MYO9B: variants seen among roughly 807,000 people sequenced by gnomAD.
MYO9B encodes unconventional myosin-IXb.
MYO9B carries 71 observed loss-of-function variants against 229.5 expected under a neutral mutation model. The observed-to-expected ratio is 0.31, with a 90% CI of 0.26 to 0.38. The LOEUF is 0.38. Among genes scored for constraint, MYO9B ranks in the 10% least tolerant of loss-of-function variants. MYO9B has a pLI of 1.00. For synonymous variants in MYO9B, 1,185 were observed against 1,235.8 expected (o/e 0.96, Z 0.86); for missense variants, 2,255 against 2,920.5 (o/e 0.77, Z 5.25).
intron 23 of MYO9B, 160 bp downstream of exon 23, chr19:17,198,018 G>T: frequency 7.6e-7 from 1 of 1,320,490 alleles, no homozygotes; most frequent in Non-Finnish European, 1.0e-6. Flanking sequence ...CGCGAGACCA[G>T]GCCACTGCAC....
At chr19:17,192,599 AAAT>A (rs1195567600) in intron 20 of MYO9B, 144 bp from the exon 21 acceptor site, 5 of 512,212 alleles carry the variant, frequency 9.8e-6, no homozygotes, top group Non-Finnish European at 1.4e-5. Flanking sequence ...CATCTCAAAA[AAAT>A]AATAAATAAA....
intron 2 of MYO9B, among the ~76,000 whole-genome samples, chr19:17,117,810 C>T (rs544378049): frequency 4.0e-5 from 6 of 151,714 alleles, no homozygotes; most frequent in East Asian, 1.9e-4. Flanking sequence ...TGGTGGCAGG[C>T]GCCTGTAATC....
intron 1 of MYO9B, among the ~76,000 whole-genome samples, chr19:17,077,292 T>G (rs1184566793): frequency 1.3e-5 from 2 of 152,160 alleles, no homozygotes; most frequent in African/African-American, 4.8e-5. Flanking sequence ...ATGTTTAGTT[T>G]ATAGCTCATT....
At chr19:17,185,703 A>G (rs1161301222) in intron 17 of MYO9B, among the ~76,000 whole-genome samples, 2 of 151,922 alleles carry the variant, frequency 1.3e-5, no homozygotes, top group South Asian at 2.1e-4. Context: ...CCCTGGGACC[A>G]TGGGGACCAC....
rs999113336 is a variant in MYO9B, at chr19:17,209,782, G to A, written c.5748+73G>A. ...CCTGGTGCTGGGCAGGGCCTTGGGC[G>A]TGGCTTTGTTGCTGGGAAGGCTGGT... is the stretch of plus-strand genomic sequence containing the variant. On this transcript the variant is annotated intron_variant, in intron 36 of 39. Transcript: ENST00000682292. The A allele has an allele frequency of 3.9e-6, 6 of 1,555,224 alleles. No individual in the cohort carries two copies. In the East Asian group the frequency reaches 9.1e-5, roughly 24 times the overall value.
At position 17,159,442 on chromosome 19, in the gene MYO9B, G is replaced by T; in HGVS notation, c.1377G>T (p.Val459=). 1 of 1,610,610 alleles carries T rather than the reference G, an allele frequency of 6.2e-7. No homozygotes were observed. Among genetic ancestry groups the T allele is most frequent in the South Asian group, 1.1e-5 (1 of 90,140 alleles). The change falls in exon 8 of 40, where the codon GTG becomes GTT. Residue 459 remains valine (V), a synonymous_variant. Coordinates refer to ENST00000682292, the MANE Select transcript of MYO9B (RefSeq NM_004145.4). The stretch of plus-strand genomic sequence containing the variant: ...AGGTTCTGACCAAAAGAAAAACGGT[G>T]ACCGTCAACGACAAGCTTATCCTTC... ...LVEVLTKRKT[V]TVNDKLILPY...
Position 17,167,946 on chromosome 19 carries a change from G to A in MYO9B, c.1675G>A (p.Glu559Lys). 1 of 1,568,168 alleles carries A rather than the reference G, an allele frequency of 6.4e-7. No homozygotes were observed. Among genetic ancestry groups the A allele is most frequent in the Non-Finnish European group, 8.6e-7 (1 of 1,156,258 alleles). The change falls in exon 11 of 40, where the codon GAA (glutamate) becomes AAA (lysine). Residue 559 changes from glutamate (E) to lysine (K), a missense_variant. Glu to Lys is a moderately conservative substitution (Grantham distance 56, BLOSUM62 1). Around this residue, in one of 7 missense-constraint regions of MYO9B, gnomAD observed 220 missense variants for 404.5 expected, o/e 0.54. Transcript: ENST00000682292. The part of the protein sequence containing the change: ...NQHIFKLEQE[E>K]YQGEGITWHN... ...CGACCCCGCGCCACCCCTGCAGGAGGAATATCAGGGCGAGGGGATCACGTG... is the reference window on the plus strand; with the variant it reads ...CGACCCCGCGCCACCCCTGCAGGAGAAATATCAGGGCGAGGGGATCACGTG...
intron 2 of MYO9B, among the ~76,000 whole-genome samples, chr19:17,110,005 C>G (rs2057831877): frequency 6.6e-6 from 1 of 152,234 alleles, no homozygotes; most frequent in South Asian, 2.1e-4. Flanking sequence ...TGAACCCGGC[C>G]TGAGCCCCAG....
intron 30 of MYO9B, among the ~76,000 whole-genome samples, chr19:17,204,680 C>CAA (rs561193898): frequency 2.7e-5 from 4 of 150,262 alleles, no homozygotes; most frequent in Admixed American, 1.3e-4. Flanking sequence ...CCCATCTATA[C>CAA]AAAAAAAAAT....
chr19:17,195,051 G>C lies in MYO9B; in HGVS notation c.3624G>C (p.Thr1208=), dbSNP rs532430108. ...REDETLLVVE[T]EAENTSQKQP... is the part of the protein sequence containing the mutation. ...ATGAAACCCTTCTAGTCGTAGAGAC[G>C]GAGGCTGAGAACACATCTCAAAAGC... The change falls in exon 22 of 40, where the codon ACG becomes ACC. Residue 1208 remains threonine (T), a synonymous_variant. Coordinates refer to ENST00000682292, the MANE Select transcript of MYO9B (RefSeq NM_004145.4). This position sits in a 1 kb window ranked among gnomAD's most constrained non-coding sequence, Gnocchi z 4.5. The C allele has an allele frequency of 1.2e-6, 2 of 1,613,018 alleles. No homozygotes were observed. Among genetic ancestry groups the C allele is most frequent in the South Asian group, 2.2e-5 (2 of 91,076 alleles).
At chr19:17,205,362 C>A (rs760176372) in intron 31 of MYO9B, 26 bp downstream of exon 31, 9 of 1,603,462 alleles carry the variant, frequency 5.6e-6, no homozygotes, top group Non-Finnish European at 7.7e-6. Flanking sequence ...CTGGAACTTT[C>A]TACAATGACA....
chr19:17,166,470 C>T (rs1037789349), intron 10 of MYO9B, among the ~76,000 whole-genome samples: 2 of 151,878 alleles, frequency 1.3e-5, no homozygotes, highest in East Asian at 1.9e-4. Flanking sequence ...TTGATTTACT[C>T]ATATGCATTT....
intron 2 of MYO9B, among the ~76,000 whole-genome samples, chr19:17,131,623 C>T (rs2072197206): frequency 6.6e-6 from 1 of 151,986 alleles, no homozygotes; most frequent in Admixed American, 6.6e-5. Context: ...TTTAAATTGC[C>T]CAGAAGAAAA....
intron 1 of MYO9B, among the ~76,000 whole-genome samples, chr19:17,097,332 A>C (rs1424340256): frequency 1.3e-5 from 2 of 151,708 alleles, no homozygotes; most frequent in Non-Finnish European, 2.9e-5. Flanking sequence ...AAAAAATTAA[A>C]AAAAAAAAAA....
At chr19:17,144,202 C>T (rs1446165737) in intron 2 of MYO9B, among the ~76,000 whole-genome samples, 3 of 150,744 alleles carry the variant, frequency 2.0e-5, no homozygotes, top group Admixed American at 6.6e-5. Context: ...GGCAACAGAG[C>T]GAGACCCCAT....
chr19:17,120,475 T>G (rs990172916), intron 2 of MYO9B, among the ~76,000 whole-genome samples: 4 of 151,218 alleles, frequency 2.6e-5, no homozygotes, highest in African/African-American at 9.7e-5. Context: ...AGACCCCATC[T>G]CTACAAAAAA....
intron 29 of MYO9B, 128 bp from the exon 30 acceptor site, chr19:17,203,019 C>A (rs1175556358): frequency 1.4e-6 from 2 of 1,379,544 alleles, no homozygotes; most frequent in Non-Finnish European, 1.0e-6. Context: ...GTGTGTTTTT[C>A]CCCCGGCATA....
At position 17,212,489 on chromosome 19, in the gene MYO9B, G is replaced by A; in HGVS notation, c.*179G>A. 4 of 696,520 alleles carry A rather than the reference G, an allele frequency of 5.7e-6. No homozygotes were observed. Among genetic ancestry groups the A allele is most frequent in the Non-Finnish European group, 8.7e-6 (4 of 457,910 alleles). 43.1% of individuals were successfully genotyped at this position (696,520 alleles called of 1,614,324 possible). A position where few individuals can be genotyped will look rare whatever the true frequency, so the allele number is the denominator to read the frequency against. ...TCAAGGCAGGGAGAGGCCGGCTGGA[G>A]CCAGGCCCCCTCGCACGCAGCCCCC... On this transcript the variant is annotated 3_prime_UTR_variant, in exon 40 of 40. Coordinates refer to ENST00000682292, the MANE Select transcript of MYO9B (RefSeq NM_004145.4). The surrounding 1 kb of genome is among the most constrained non-coding windows in gnomAD (Gnocchi z 5.4).
At chr19:17,155,237 G>C (rs1406200434) in intron 6 of MYO9B, among the ~76,000 whole-genome samples, 1 of 151,684 alleles carries the variant, frequency 6.6e-6, no homozygotes, top group Non-Finnish European at 1.5e-5. Flanking sequence ...ACCTAAGCTG[G>C]AGTGAAGTGG....
Sources: allele counts gnomAD v4.1 joint callset (sites outside exome capture counted in the v4.1 genomes callset), GRCh38; gene constraint gnomAD v4.1.1; regional missense constraint gnomAD v4.1.1; non-coding constraint Gnocchi (gnomAD v3.1); transcripts MANE v1.5; gene names NCBI Gene and HGNC (gene_info 2026-07-23, HGNC 2026-07-21).